The following CENPM variants were observed in gnomAD, a reference collection of about 807,000 sequenced individuals.
CENPM encodes interphase centromere complex protein 39.
Under a neutral mutation model 19.6 loss-of-function variants are expected in CENPM, and 14 were observed. The observed-to-expected ratio is 0.71, with a 90% CI of 0.47 to 1.11. The LOEUF is 1.11. CENPM is among the 50% of genes most tolerant of loss of function. The probability of loss-of-function intolerance (pLI) is 0.00; values close to 1 mark genes in which losing one functional copy is unlikely to be tolerated. For synonymous variants in CENPM, 114 were observed against 101.5 expected, an observed-to-expected ratio of 1.12 and a Z score of -0.74; for missense variants, 239 against 228.4, an observed-to-expected ratio of 1.05 and a Z score of -0.30.
chr22:41,946,912 A>T (rs1200064964), intron 1 of CENPM, 108 bp downstream of exon 1: 1 of 1,142,454 alleles, frequency 8.8e-7, no homozygotes, highest in East Asian at 2.4e-5. Context: ...CGCCCCCGCC[A>T]CGGTAGCGCG....
At chr22:41,933,005 GAA>G in the CENPM span, among the ~76,000 whole-genome samples, 3 of 152,162 alleles carry the variant, frequency 2.0e-5, no homozygotes, top group Non-Finnish European at 2.9e-5. Flanking sequence ...GTGCTGGGGA[GAA>G]AAAGTCAGAA....
intron 3 of CENPM, among the ~76,000 whole-genome samples, chr22:41,945,653 T>G (rs1320549242): frequency 3.3e-5 from 5 of 152,154 alleles, no homozygotes; most frequent in Non-Finnish European, 7.4e-5. Context: ...TTTCACCATG[T>G]TGCCCAGGCT....
the CENPM span, among the ~76,000 whole-genome samples, chr22:41,930,635 C>T: frequency 6.6e-6 from 1 of 152,164 alleles, no homozygotes; most frequent in African/African-American, 2.4e-5. Context: ...TCTCCTGCCT[C>T]AGCCTCCTGA....
At chr22:41,944,917 GTTCTT>G in intron 4 of CENPM, 1 of 1,216,310 alleles carries the variant, frequency 8.2e-7, no homozygotes, top group Non-Finnish European at 1.0e-6. Context: ...GTGTATATGT[GTTCTT>G]TCGGTTTTTA....
downstream of CENPM, among the ~76,000 whole-genome samples, chr22:41,935,103 G>A (rs1023474292): frequency 1.3e-5 from 2 of 152,238 alleles, no homozygotes; most frequent in Non-Finnish European, 2.9e-5. Flanking sequence ...CCTGGTTCCA[G>A]GGCCCCTGCC....
rs373685610 is a variant in CENPM at position 41,943,732 on chromosome 22, A to G, written c.311-31T>C. On this transcript the variant is annotated intron_variant, in intron 4 of 5. Coordinates refer to ENST00000215980, the MANE Select transcript of CENPM (RefSeq NM_024053.5). ...AAGAAGCCATGAGTGCTATAGCTGC[A>G]ATCTCTACCTTCCTGGCTGGAATTC... is the stretch of plus-strand genomic sequence containing the variant. 6.0e-5 allele frequency: 95 copies of G among 1,589,324 alleles called. No individual in the cohort carries two copies. The African/African-American group carries it at 1.0e-3, about 17-fold the overall frequency.
chr22:41,933,545 C>T, the CENPM span, among the ~76,000 whole-genome samples: 2 of 152,226 alleles, frequency 1.3e-5, no homozygotes, highest in South Asian at 4.1e-4. Context: ...AGGTCCGGGG[C>T]TCTGGGAAGT....
chr22:41,933,732 C>T, the CENPM span, among the ~76,000 whole-genome samples: 2 of 152,286 alleles, frequency 1.3e-5, no homozygotes, highest in Non-Finnish European at 2.9e-5. Flanking sequence ...TCCTTCTGAC[C>T]CCAGGGTACA....
At chr22:41,942,443 G>A (rs547006333) in intron 5 of CENPM, among the ~76,000 whole-genome samples, 3 of 152,196 alleles carry the variant, frequency 2.0e-5, no homozygotes, top group Admixed American at 6.5e-5. Context: ...AGACCTCATC[G>A]CTATATTAAA....
At chr22:41,929,532 A>G in the CENPM span, among the ~76,000 whole-genome samples, 1 of 152,184 alleles carries the variant, frequency 6.6e-6, no homozygotes. Flanking sequence ...CCCCCAGCAG[A>G]GACTCGAGGA....
Position 41,947,142 on chromosome 22 carries a change from G to T in CENPM, c.-66C>A. 4 of 1,528,912 alleles carry T rather than the reference G, an allele frequency of 2.6e-6. No homozygotes were observed. The highest frequency in any genetic ancestry group is 2.7e-6 in the Non-Finnish European group (3 of 1,111,966). The allele number at this position is 1,528,912 out of a possible 1,614,324, so 94.7% of individuals were successfully genotyped here. A position where few individuals can be genotyped will look rare whatever the true frequency, so the allele number is the denominator to read the frequency against. On this transcript the variant is annotated 5_prime_UTR_variant, in exon 1 of 6. The change creates a new upstream start codon in the 5' untranslated region. Coordinates refer to ENST00000215980, the MANE Select transcript of CENPM (RefSeq NM_024053.5). ...GATCTTTCAAACCGCCCTGAGTCCA[G>T]CCCCTAGAGCGCGGCCTGGGGGCAC... is the stretch of plus-strand genomic sequence containing the variant.
At chr22:41,942,603 T>G (rs2077751659) in intron 5 of CENPM, among the ~76,000 whole-genome samples, 1 of 151,806 alleles carries the variant, frequency 6.6e-6, no homozygotes, top group Non-Finnish European at 1.5e-5. Context: ...TACAAAAAAT[T>G]AGCTGGGCGT....
chr22:41,931,749 C>T, the CENPM span, among the ~76,000 whole-genome samples: 20 of 152,120 alleles, frequency 1.3e-4, no homozygotes, highest in Admixed American at 2.6e-4. Flanking sequence ...GCTTCAGGGA[C>T]GGGGTTGGGG....
intron 2 of CENPM, 124 bp from the exon 3 acceptor site, chr22:41,946,129 G>C: frequency 1.2e-6 from 1 of 845,128 alleles, no homozygotes; most frequent in Admixed American, 2.3e-5. Context: ...GCCACCCGAG[G>C]CTCTTGTGGC....
chr22:41,930,538 T>C, the CENPM span, among the ~76,000 whole-genome samples: 2 of 151,478 alleles, frequency 1.3e-5, no homozygotes, highest in African/African-American at 4.9e-5. Flanking sequence ...GGAGTTTCAC[T>C]CTTATCGCCC....
downstream of CENPM, among the ~76,000 whole-genome samples, chr22:41,934,490 A>G (rs1173352638): frequency 6.6e-6 from 1 of 152,076 alleles, no homozygotes; most frequent in African/African-American, 2.4e-5. Flanking sequence ...TCGCCCCCCC[A>G]TTCCCAGCCT....
chr22:41,946,544 C>A, intron 1 of CENPM, 48 bp from the exon 2 acceptor site: 2 of 1,535,678 alleles, frequency 1.3e-6, no homozygotes, highest in Middle Eastern at 1.9e-4. Flanking sequence ...CACAGCACCC[C>A]CTGGGGAGGG....
chr22:41,939,631 T>C (rs977353592), intron 5 of CENPM, among the ~76,000 whole-genome samples: 5 of 150,966 alleles, frequency 3.3e-5, no homozygotes, highest in African/African-American at 1.2e-4. Context: ...CGGGTGGCCC[T>C]CACCACAGAT....
chr22:41,944,103 A>T (rs2077770150), intron 4 of CENPM: 1 of 985,312 alleles, frequency 1.0e-6, no homozygotes, highest in Admixed American at 6.2e-5. Context: ...TGTAGGGGTT[A>T]GCAAGACAAA....
Sources: allele counts gnomAD v4.1 joint callset (sites outside exome capture counted in the v4.1 genomes callset), GRCh38; gene constraint gnomAD v4.1.1; transcripts MANE v1.5; gene names NCBI Gene and HGNC (gene_info 2026-07-23, HGNC 2026-07-21).